Variants in ARHGAP9 observed in about 807,000 individuals in gnomAD.
ARHGAP9 encodes the protein Rho GTPase activating protein 9.
In ARHGAP9, 76 loss-of-function variants were observed where a neutral mutation model predicts 87.3. The observed-to-expected ratio is 0.87, with a 90% confidence interval of 0.72 to 1.05. The LOEUF (loss-of-function observed/expected upper bound fraction) is 1.05, where lower values mean the gene tolerates loss of function less well. Among genes scored for constraint, ARHGAP9 ranks in the 50% least tolerant of loss-of-function variants. The pLI, the probability that ARHGAP9 is intolerant of heterozygous loss-of-function variation, is 0.00. For missense variants in ARHGAP9, 941 were observed against 960.5 expected, an observed-to-expected ratio of 0.98 and a Z score of 0.27; for synonymous variants, 382 against 394.9, an observed-to-expected ratio of 0.97 and a Z score of 0.39.
intron 1 of ARHGAP9, chr12:57,487,984 G>T: frequency 1.2e-6 from 1 of 834,250 alleles, no homozygotes. Context: ...CGGTGCCAGG[G>T]CAGTGGCCTA....
Position 57,476,864 on chromosome 12 carries a change from G to A in ARHGAP9, c.963+7C>T. On this transcript the variant is annotated splice_region_variant and intron_variant, in intron 6 of 17. Transcript: ENST00000393791. ...TCTTGGCCTTCACAAAGAAATGGGA[G>A]ATTCACATGGGGGTCGTCCAGGAGC... is the stretch of plus-strand genomic sequence containing the variant. The A allele has an allele frequency of 6.2e-7, 1 of 1,613,234 alleles. No individual in the cohort carries two copies. Among genetic ancestry groups the A allele is most frequent in the East Asian group, 2.2e-5 (1 of 44,868 alleles).
At chr12:57,485,575 A>G (rs1875340294) in intron 1 of ARHGAP9, among the ~76,000 whole-genome samples, 1 of 151,692 alleles carries the variant, frequency 6.6e-6, no homozygotes, top group Admixed American at 6.6e-5. Flanking sequence ...AAAAAACAAA[A>G]AAACTATTTT....
rs768151689 is a variant in ARHGAP9 at position 57,479,142 on chromosome 12, G to A, written c.265C>T (p.Pro89Ser). The A allele has an allele frequency of 1.2e-6, 2 of 1,614,086 alleles. No homozygotes were observed. The highest frequency in any genetic ancestry group is 1.3e-5 in the African/African-American group (1 of 74,932). ...ATGACGGTAGTTGGACTCTGGGAAGGGATGGATTCCTCTATCATATAGGCT... is the reference window on the plus strand; with the variant it reads ...ATGACGGTAGTTGGACTCTGGGAAGAGATGGATTCCTCTATCATATAGGCT... ...PAAYMIEESI[P>S]SQSPTTVIPG... Residue 89 changes from proline (P) to serine (S), a missense_variant, in exon 2 of 18, where the codon CCT (proline) becomes TCT (serine). Physicochemically the swap from Pro to Ser is moderately conservative, Grantham distance 74 (BLOSUM62 -1). Coordinates refer to ENST00000393791, the MANE Select transcript of ARHGAP9 (RefSeq NM_032496.4).
At chr12:57,475,073 C>A (rs1873082970) in intron 12 of ARHGAP9, 100 bp from the exon 13 acceptor site, 1 of 1,313,590 alleles carries the variant, frequency 7.6e-7, no homozygotes, top group South Asian at 1.3e-5. Flanking sequence ...GTCCTCCTGG[C>A]TGCCTGTGCC....
chr12:57,483,093 T>C (rs1449745271), upstream of ARHGAP9, among the ~76,000 whole-genome samples: 6 of 147,732 alleles, frequency 4.1e-5, no homozygotes, highest in East Asian at 1.2e-3. Context: ...AGCGAGACTC[T>C]GTCTTAAAAC....
At chr12:57,480,242 C>G (rs141416736), upstream of ARHGAP9, 573 of 555,800 alleles carry the variant, frequency 1.0e-3, no homozygotes, top group Admixed American at 1.3e-3. Context: ...AGTGTGATGG[C>G]GAGATCTCGG....
rs768240505 is a variant in ARHGAP9, at chr12:57,476,435, A to G, written c.1045T>C (p.Trp349Arg). Residue 349 changes from tryptophan (W) to arginine (R), a missense_variant, in exon 8 of 18, where the codon TGG becomes CGG. Physicochemically the swap from Trp to Arg is moderately radical, Grantham distance 101. Coordinates refer to ENST00000393791, the MANE Select transcript of ARHGAP9 (RefSeq NM_032496.4). ...AGGCTGTTACCCGTTAACACCACCC[A>G]AGACGGGCCCCAGTTCTTCCTGCGG... ...RKLRKNWGPS[W>R]VVLTGNSLVF... 36 of 1,613,876 alleles carry G rather than the reference A, an allele frequency of 2.2e-5. No individual in the cohort carries two copies. Among genetic ancestry groups the G allele is most frequent in the Non-Finnish European group, 2.9e-5 (34 of 1,179,998 alleles).
intron 1 of ARHGAP9, among the ~76,000 whole-genome samples, chr12:57,486,882 T>C: frequency 1.9e-5 from 1 of 52,344 alleles, no homozygotes; most frequent in South Asian, 1.2e-3. Context: ...CAAGACTCCG[T>C]CTCAAAGAAA....
At chr12:57,474,769 G>A in intron 13 of ARHGAP9, 66 bp from the exon 14 acceptor site, 1 of 1,607,308 alleles carries the variant, frequency 6.2e-7, no homozygotes, top group Non-Finnish European at 8.5e-7. Context: ...GGGATATAAG[G>A]GTGGAGAGAA....
Position 57,479,257 on chromosome 12 carries a change from C to A in ARHGAP9, c.150G>T (p.Arg50Ser), listed in dbSNP as rs1166477022. 1 of 1,614,094 alleles carries A rather than the reference C, an allele frequency of 6.2e-7. No homozygotes were observed. The highest frequency in any genetic ancestry group is 8.5e-7 in the Non-Finnish European group (1 of 1,180,056). Residue 50 changes from arginine (R) to serine (S), a missense_variant, in exon 2 of 18, where the codon AGG (arginine) becomes AGT (serine). Arg to Ser is a moderately radical substitution (Grantham distance 110). Transcript: ENST00000393791. Reference protein sequence around the residue: ...GQQVSLAEGDRFLLLRKTNSD... With the variant: ...GQQVSLAEGDSFLLLRKTNSD... ...AGTTGGTCTTTCGAAGCAGTAGGAA[C>A]CTATCCCCTTCAGCCAGAGACACCT...
chr12:57,475,419 G>A (rs764185141), intron 11 of ARHGAP9, 21 bp from the exon 12 acceptor site: 5 of 1,582,824 alleles, frequency 3.2e-6, no homozygotes, highest in Admixed American at 1.8e-5. Flanking sequence ...CAGGTAGAGC[G>A]GGGCGTGAGC....
chr12:57,482,273 C>T (rs1410314301), upstream of ARHGAP9, among the ~76,000 whole-genome samples: 4 of 151,714 alleles, frequency 2.6e-5, no homozygotes, highest in South Asian at 4.2e-4. Flanking sequence ...CGGAGTCTTG[C>T]TCTGTCGCCC....
At chr12:57,473,384 G>A (rs1399969798) in intron 17 of ARHGAP9, among the ~76,000 whole-genome samples, 3 of 152,184 alleles carry the variant, frequency 2.0e-5, no homozygotes, top group African/African-American at 7.2e-5. Context: ...CTGCACTCCA[G>A]TCTGGGTGAC....
chr12:57,477,328 A>G, intron 4 of ARHGAP9, 59 bp from the exon 5 acceptor site: 9 of 1,517,052 alleles, frequency 5.9e-6, no homozygotes, highest in Non-Finnish European at 8.0e-6. Context: ...CCCACTCTCC[A>G]CACCCTTCTT....
rs1199733879 is a variant in ARHGAP9, at chr12:57,474,302, G to A, written c.1783+121C>T. On this transcript the variant is annotated intron_variant, in intron 15 of 17. Transcript: ENST00000393791. ...GAATGCCTAGAGGGTCTGCAGTGGG[G>A]CAAGGTAGCTAAGGTGGGGATGAGG... is the stretch of plus-strand genomic sequence containing the variant. 1.9e-6 allele frequency: 3 copies of A among 1,572,036 alleles called. No individual in the cohort carries two copies. In the African/African-American group the frequency reaches 4.1e-5, roughly 21 times the overall value.
chr12:57,474,457 A>C lies in ARHGAP9; in HGVS notation c.1749T>G (p.Asp583Glu), dbSNP rs369681835. Residue 583 changes from aspartate (D) to glutamate (E), a missense_variant, in exon 15 of 18, where the codon GAT becomes GAG. Coordinates refer to ENST00000393791, the MANE Select transcript of ARHGAP9 (RefSeq NM_032496.4). Reference sequence around the variant, plus strand: ...GCTGTTCTGGGAACACATACCTCCCATCGGAGGTGACCGCACGCTCTGCAA... The same window carrying C: ...GCTGTTCTGGGAACACATACCTCCCCTCGGAGGTGACCGCACGCTCTGCAA... The part of the protein sequence containing the change: ...LVDRERAVTS[D>E]GRYVFPEQPG... 2.5e-6 allele frequency: 4 copies of C among 1,614,078 alleles called. No individual in the cohort carries two copies. The African/African-American group carries it at 4.0e-5, about 16-fold the overall frequency.
At chr12:57,488,230 T>C in intron 1 of ARHGAP9, 1 of 1,584,492 alleles carries the variant, frequency 6.3e-7, no homozygotes, top group Middle Eastern at 1.8e-4. Flanking sequence ...GGGCGGTGGA[T>C]GGGGGGGCGG....
chr12:57,477,045 C>T lies in ARHGAP9; in HGVS notation c.871-82G>A, dbSNP rs144252269. 991 of 1,047,666 alleles carry T rather than the reference C, an allele frequency of 9.5e-4. 8 individuals carry two copies. The African/African-American group carries it at 0.019, about 20-fold the overall frequency. The allele number at this position is 1,047,666 out of a possible 1,614,324, so 64.9% of individuals were successfully genotyped here. The stretch of plus-strand genomic sequence containing the variant: ...CTGAAGGAGGAAGAGGGGTGGGATA[C>T]GGGTGAGAGGTGGGGGGTGTGGTGG... On this transcript the variant is annotated intron_variant, in intron 5 of 17. Transcript: ENST00000393791.
Position 57,479,286 on chromosome 12 carries a change from G to A in ARHGAP9, c.121C>T (p.Gln41Ter), listed in dbSNP as rs1039169086. ...YAFTYTGADGQQVSLAEGDRF... is the reference protein window; with the variant it reads ...YAFTYTGADG ...TCCCCTTCAGCCAGAGACACCTGCT[G>A]GCCATCTGCCCCAGTATAAGTAAAG... Residue 41 changes from glutamine to a stop codon, truncating the protein, a stop_gained, in exon 2 of 18, where the codon CAG (glutamine) becomes TAG (stop). Transcript: ENST00000393791. LOFTEE classifies it high-confidence loss of function. 1.9e-6 allele frequency: 3 copies of A among 1,614,100 alleles called. No homozygotes were observed. The highest frequency in any genetic ancestry group is 1.3e-5 in the African/African-American group (1 of 74,922).
Sources: gnomAD v4.1 joint callset for allele counts (sites outside exome capture counted in the v4.1 genomes callset) on GRCh38, gnomAD v4.1.1 for gene constraint, MANE v1.5 for transcripts, NCBI Gene and HGNC (gene_info 2026-07-23, HGNC 2026-07-21) for gene names.